CC2D2A: variants seen among roughly 807,000 people sequenced by gnomAD.
CC2D2A encodes the protein coiled-coil and C2 domain-containing protein 2A.
In CC2D2A, 155 loss-of-function variants were observed where a neutral mutation model predicts 212.9. The ratio of observed to expected loss-of-function variants is 0.73; its 90% CI spans 0.64 to 0.83. CC2D2A has a LOEUF of 0.83. Ranked by LOEUF, CC2D2A falls within the 40% of genes least tolerant of loss-of-function variation. The pLI is 0.00. For missense variants in CC2D2A, 1,856 were observed against 1,956.2 expected (o/e 0.95, Z 0.97); for synonymous variants, 667 against 686.5 (o/e 0.97, Z 0.44).
chr4:15,526,071 T>C (rs895140986), intron 11 of CC2D2A, among the ~76,000 whole-genome samples: 3 of 152,236 alleles, frequency 2.0e-5, no homozygotes, highest in African/African-American at 7.2e-5. Context: ...AGGACTCTAA[T>C]GCTGGAATCC....
chr4:15,523,237 C>T (rs1370609206), intron 11 of CC2D2A, among the ~76,000 whole-genome samples: 1 of 151,954 alleles, frequency 6.6e-6, no homozygotes, highest in Non-Finnish European at 1.5e-5. Context: ...CTAAAAAATA[C>T]TTAACTAAAA....
chr4:15,556,954 G>A (rs571800108), intron 20 of CC2D2A, among the ~76,000 whole-genome samples: 5 of 152,292 alleles, frequency 3.3e-5, no homozygotes, highest in East Asian at 1.9e-4. Context: ...TTTTATATAC[G>A]ATATGTATAT....
chr4:15,531,903 G>T (rs1055194257), intron 13 of CC2D2A, among the ~76,000 whole-genome samples: 1 of 152,158 alleles, frequency 6.6e-6, no homozygotes, highest in Non-Finnish European at 1.5e-5. Context: ...CATAGGAGAC[G>T]AACTGACCAC....
chr4:15,482,363 CT>C, intron 4 of CC2D2A: 1 of 882,984 alleles, frequency 1.1e-6, no homozygotes, highest in East Asian at 1.2e-4. Flanking sequence ...ATACTATAGA[CT>C]GGGGGGCTTA....
At chr4:15,552,547 C>G (rs373495281) in intron 18 of CC2D2A, among the ~76,000 whole-genome samples, 1 of 152,206 alleles carries the variant, frequency 6.6e-6, no homozygotes, top group African/African-American at 2.4e-5. Flanking sequence ...CTCTAACATA[C>G]TAAGTATTTC....
intron 30 of CC2D2A, among the ~76,000 whole-genome samples, chr4:15,581,697 C>T (rs759911442): frequency 6.6e-6 from 1 of 152,210 alleles, no homozygotes; most frequent in Non-Finnish European, 1.5e-5. Flanking sequence ...AACTTTCTAA[C>T]ACCTACTCTG....
In CC2D2A at chr4:15,567,399, T is replaced by C. The variant is rs779795716; in HGVS notation, c.3205T>C (p.Ser1069Pro). The C allele has an allele frequency of 4.3e-5, 69 of 1,613,110 alleles. No individual in the cohort carries two copies. The highest frequency in any genetic ancestry group is 5.7e-5 in the Non-Finnish European group (67 of 1,179,550). ...TAGCAAATTCCAGCAGCCGTCGAGG[T>C]CTTCAAGGATGTTCAGTGAAAAGCA... The part of the protein sequence containing the change: ...AVSKFQQPSR[S>P]SRMFSEKHAA... The change falls in exon 25 of 37, where the codon TCT becomes CCT. Residue 1069 changes from serine to proline, a missense_variant. Ser to Pro is a moderately conservative substitution (Grantham distance 74). Around this residue, in one of 5 missense-constraint regions of CC2D2A, gnomAD observed 1,512 missense variants for 1,579.3 expected, o/e 0.96. Coordinates refer to ENST00000424120, the MANE Select transcript of CC2D2A (RefSeq NM_001378615.1).
intron 11 of CC2D2A, among the ~76,000 whole-genome samples, chr4:15,524,447 A>ATTTTTTTTTTTT (rs71179636): frequency 1.1e-5 from 1 of 89,984 alleles, no homozygotes; most frequent in African/African-American, 4.6e-5. Flanking sequence ...AAAATTTTTA[A>ATTTTTTTTTTTT]TTTTTTTTTT....
intron 33 of CC2D2A, among the ~76,000 whole-genome samples, chr4:15,591,454 G>A (rs1300827474): frequency 2.0e-5 from 3 of 150,826 alleles, no homozygotes; most frequent in African/African-American, 7.3e-5. Context: ...CCCGACCTCA[G>A]GTGATCTGCC....
chr4:15,518,375 C>T lies in CC2D2A; in HGVS notation c.1149+1619C>T, dbSNP rs189379961. ...TTCCCATGGTCTTGGGCAGCTTCGC[C>T]TCTGTGGCTTTGCAGGGTACAGCCT... On this transcript the variant is annotated intron_variant, in intron 11 of 36. Coordinates refer to ENST00000424120, the MANE Select transcript of CC2D2A (RefSeq NM_001378615.1). 1.2e-4 allele frequency among the ~76,000 whole-genome samples: 19 copies of T among 152,362 alleles called. No individual in the cohort carries two copies. In the East Asian group the frequency reaches 3.7e-3, roughly 29 times the overall value.
chr4:15,494,817 A>T (rs1026318276), intron 4 of CC2D2A, among the ~76,000 whole-genome samples: 1 of 152,218 alleles, frequency 6.6e-6, no homozygotes, highest in South Asian at 2.1e-4. Flanking sequence ...AATCAACTAC[A>T]TGCTTTGATT....
Position 15,502,818 on chromosome 4 carries a change from T to C in CC2D2A, c.337-4T>C. The C allele has an allele frequency of 6.2e-7, 1 of 1,606,100 alleles. No individual in the cohort carries two copies. Among genetic ancestry groups the C allele is most frequent in the Non-Finnish European group, 8.5e-7 (1 of 1,176,180 alleles). ...TAGCAGTAAATTTCTGTTTGACTTT[T>C]TAGTCCAAAGCAGAAAGTGCATTGC... On this transcript the variant is annotated splice_region_variant and splice_polypyrimidine_tract_variant and intron_variant, in intron 5 of 36. Transcript: ENST00000424120.
chr4:15,493,882 G>T (rs1182398214), intron 4 of CC2D2A, among the ~76,000 whole-genome samples: 1 of 152,144 alleles, frequency 6.6e-6, no homozygotes, highest in African/African-American at 2.4e-5. Flanking sequence ...TAGAATACTA[G>T]TATCCTCTTA....
At chr4:15,529,376 T>G (rs550850020) in intron 13 of CC2D2A, among the ~76,000 whole-genome samples, 35 of 149,904 alleles carry the variant, frequency 2.3e-4, no homozygotes, top group Non-Finnish European at 4.0e-4. Context: ...AGTGAGACCT[T>G]GACTCAAAAA....
intron 33 of CC2D2A, among the ~76,000 whole-genome samples, chr4:15,593,439 C>T (rs546497780): frequency 3.9e-5 from 6 of 152,232 alleles, no homozygotes; most frequent in Non-Finnish European, 2.9e-5. Context: ...TCTTTTCTAC[C>T]TATAATTCCT....
rs1329534182 is a variant in CC2D2A at position 15,563,788 on chromosome 4, T to G, written c.3182+266T>G. The G allele has an allele frequency of 8.9e-5, 35 of 395,060 alleles. 1 individual carries two copies. The highest frequency in any genetic ancestry group is 2.8e-5 in the Non-Finnish European group (6 of 216,928). The allele number at this position is 395,060 out of a possible 1,614,324, so 24.5% of individuals were successfully genotyped here. ...TACAAGGGAGACTGCAGGGATAAGA[T>G]AGTTCTCCTGAGGCCCCGTGGTCTC... On this transcript the variant is annotated intron_variant, in intron 24 of 36. Transcript: ENST00000424120.
Position 15,511,306 on chromosome 4 carries a change from T to C in CC2D2A, c.600T>C (p.Asp200=). The C allele has an allele frequency of 6.2e-7, 1 of 1,601,274 alleles. No homozygotes were observed. Residue 200 remains aspartate (D), a synonymous_variant, in exon 8 of 37, where the codon GAT becomes GAC. Transcript: ENST00000424120. ...EAYNFFTFNF[D]PEPEGSEEKP... ...ATAACTTCTTTACTTTCAACTTTGA[T>C]CCCGAACCAGAAGGATCAGAGGAAA...
intron 4 of CC2D2A, among the ~76,000 whole-genome samples, chr4:15,497,475 C>T (rs1028284002): frequency 1.3e-5 from 2 of 152,168 alleles, no homozygotes; most frequent in African/African-American, 4.8e-5. Flanking sequence ...TTGTCCACCT[C>T]CCCTGCAATA....
chr4:15,489,887 A>T (rs764376267), intron 4 of CC2D2A, among the ~76,000 whole-genome samples: 1 of 152,090 alleles, frequency 6.6e-6, no homozygotes, highest in Non-Finnish European at 1.5e-5. Context: ...CACTGGCTGT[A>T]CCTCTTTCTC....
Sources: allele counts gnomAD v4.1 joint callset (sites outside exome capture counted in the v4.1 genomes callset), GRCh38; gene constraint gnomAD v4.1.1; regional missense constraint gnomAD v4.1.1; transcripts MANE v1.5; gene names NCBI Gene and HGNC (gene_info 2026-07-23, HGNC 2026-07-21).